The following SCNN1B variants were observed in gnomAD, a reference collection of about 807,000 sequenced individuals.
SCNN1B encodes sodium channel epithelial 1 subunit beta.
SCNN1B carries 46 observed loss-of-function variants against 65.3 expected under a neutral mutation model. The ratio of observed to expected loss-of-function variants is 0.70; its 90% CI spans 0.56 to 0.90. The LOEUF (loss-of-function observed/expected upper bound fraction) is 0.90. Ranked by LOEUF, SCNN1B falls within the 40% of genes least tolerant of loss-of-function variation. The pLI, the probability that SCNN1B is intolerant of heterozygous loss-of-function variation, is 0.00. For synonymous variants in SCNN1B, 349 were observed against 330.6 expected, an observed-to-expected ratio of 1.06 and a Z score of -0.60; for missense variants, 751 against 830.5, an observed-to-expected ratio of 0.90 and a Z score of 1.18.
intron 3 of SCNN1B, among the ~76,000 whole-genome samples, chr16:23,354,401 C>G (rs1179629094): frequency 6.6e-6 from 1 of 152,258 alleles, no homozygotes; most frequent in Non-Finnish European, 1.5e-5. Flanking sequence ...GGGGAAGCTT[C>G]TCTATCCGGC....
At position 23,380,508 on chromosome 16, in the gene SCNN1B, A is replaced by G; in HGVS notation, c.1630A>G (p.Ile544Val). The stretch of plus-strand genomic sequence containing the variant: ...GTGCCTCATCGAGTTTGGGGAGATC[A>G]TCATCGACTTTGTGTGGATCACCAT... ...VLCLIEFGEI[I>V]IDFVWITIIK... is the part of the protein sequence containing the mutation. Residue 544 changes from isoleucine to valine, a missense_variant, in exon 13 of 13, where the codon ATC (isoleucine) becomes GTC (valine). Coordinates refer to ENST00000343070, the MANE Select transcript of SCNN1B (RefSeq NM_000336.3). The surrounding 1 kb of genome is among the most constrained non-coding windows in gnomAD (Gnocchi z 5.4). 6.2e-7 allele frequency: 1 copy of G among 1,614,238 alleles called. No individual in the cohort carries two copies. Among genetic ancestry groups the G allele is most frequent in the Non-Finnish European group, 8.5e-7 (1 of 1,180,044 alleles).
chr16:23,333,149 A>AGAAG (rs57483761), intron 1 of SCNN1B, among the ~76,000 whole-genome samples: 11,323 of 87,780 alleles, frequency 0.13, 1,030 homozygotes, highest in Non-Finnish European at 0.15. Flanking sequence ...AAGGAAGGAA[A>AGAAG]GAAGGAAGGA....
At chr16:23,350,955 C>T (rs961705616) in intron 2 of SCNN1B, among the ~76,000 whole-genome samples, 19 of 151,236 alleles carry the variant, frequency 1.3e-4, no homozygotes, top group Admixed American at 3.3e-4. Context: ...AAAGTCCTGA[C>T]TGGGCACGGG....
chr16:23,356,088 G>A (rs1037064449), intron 4 of SCNN1B, among the ~76,000 whole-genome samples: 3 of 152,092 alleles, frequency 2.0e-5, no homozygotes, highest in African/African-American at 7.2e-5. Flanking sequence ...GCCTTTCTGC[G>A]TGCCCCGTGA....
In SCNN1B at chr16:23,375,742, G is replaced by C. The variant is rs1201266993; in HGVS notation, c.1157G>C (p.Cys386Ser). 6.2e-7 allele frequency: 1 copy of C among 1,612,748 alleles called. No individual in the cohort carries two copies. Residue 386 changes from cysteine to serine, a missense_variant, in exon 8 of 13, where the codon TGT (cysteine) becomes TCT (serine). By Grantham distance (112) the Cys-to-Ser change is moderately radical. Coordinates refer to ENST00000343070, the MANE Select transcript of SCNN1B (RefSeq NM_000336.3). ...TGAACCCCCTACCCTCCCCAGGCCT[G>C]TCTTCGCTCCTGCTTCCAAGACCAC... Reference protein sequence around the residue: ...DYNTTYSIQACLRSCFQDHMI... With the variant: ...DYNTTYSIQASLRSCFQDHMI...
intron 1 of SCNN1B, among the ~76,000 whole-genome samples, chr16:23,327,853 A>T (rs1026784662): frequency 6.6e-6 from 1 of 152,226 alleles, no homozygotes; most frequent in Non-Finnish European, 1.5e-5. Flanking sequence ...TGAAAAGGAC[A>T]TTCACAAAGA....
At chr16:23,377,016 T>G (rs1596888646) in intron 8 of SCNN1B, 149 bp from the exon 9 acceptor site, 1 of 732,782 alleles carries the variant, frequency 1.4e-6, no homozygotes. Context: ...GGGGGCTGGG[T>G]GGGGAGCGGT....
At chr16:23,360,225 T>TAAATAAATAAATAAATAAATAAAC (rs748501690) in intron 4 of SCNN1B, among the ~76,000 whole-genome samples, 2 of 150,022 alleles carry the variant, frequency 1.3e-5, no homozygotes, top group African/African-American at 4.9e-5. Context: ...AATAAATAAA[T>TAAATAAATAAATAAATAAATAAAC]AAACAAATAA....
chr16:23,371,668 C>A, intron 6 of SCNN1B, 108 bp from the exon 7 acceptor site: 2 of 1,087,952 alleles, frequency 1.8e-6, no homozygotes, highest in Non-Finnish European at 2.8e-6. Context: ...CCCCTGGCAC[C>A]TGCAGGGGTC....
At chr16:23,301,446 A>C (rs1225500700), upstream of SCNN1B, among the ~76,000 whole-genome samples, 2 of 151,946 alleles carry the variant, frequency 1.3e-5, no homozygotes, top group Admixed American at 1.3e-4. Context: ...AGGAAAGAGA[A>C]AGAAAGAAAA....
chr16:23,338,443 A>T (rs1042590621), intron 1 of SCNN1B, among the ~76,000 whole-genome samples: 4 of 152,232 alleles, frequency 2.6e-5, no homozygotes, highest in Non-Finnish European at 5.9e-5. Context: ...ACCAGAGTCA[A>T]ATCCACTTTC....
rs140945152 is a variant in SCNN1B, at chr16:23,380,668, G to A, written c.1790G>A (p.Arg597His). ...NFGFQPDTAP[R>H]SPNTGPYPSE... ...GGCTTCCAGCCTGACACGGCCCCCCGCAGCCCCAACACTGGGCCCTACCCC... is the reference window on the plus strand; with the variant it reads ...GGCTTCCAGCCTGACACGGCCCCCCACAGCCCCAACACTGGGCCCTACCCC... The change falls in exon 13 of 13, where the codon CGC becomes CAC. Residue 597 changes from arginine to histidine, a missense_variant. Arg to His is a conservative substitution (Grantham distance 29, BLOSUM62 0). Transcript: ENST00000343070. The surrounding 1 kb of genome is among the most constrained non-coding windows in gnomAD (Gnocchi z 5.4). 7.5e-5 allele frequency: 121 copies of A among 1,612,028 alleles called. No homozygotes were observed. Among genetic ancestry groups the A allele is most frequent in the African/African-American group, 2.7e-4 (20 of 74,846 alleles).
At chr16:23,309,158 G>A (rs1314302766) in intron 1 of SCNN1B, among the ~76,000 whole-genome samples, 1 of 152,102 alleles carries the variant, frequency 6.6e-6, no homozygotes, top group Non-Finnish European at 1.5e-5. Flanking sequence ...TAGAAAAGTT[G>A]CTAAGGGAGC....
chr16:23,350,000 C>T (rs1170121719), intron 2 of SCNN1B, among the ~76,000 whole-genome samples: 1 of 151,564 alleles, frequency 6.6e-6, no homozygotes, highest in Non-Finnish European at 1.5e-5. Flanking sequence ...ATTGCTTGAC[C>T]CCGAGAGGCA....
At chr16:23,335,185 T>C in intron 1 of SCNN1B, among the ~76,000 whole-genome samples, 1 of 152,228 alleles carries the variant, frequency 6.6e-6, no homozygotes, top group Non-Finnish European at 1.5e-5. Context: ...AGATTAAACA[T>C]TGATATGCTG....
intron 1 of SCNN1B, among the ~76,000 whole-genome samples, chr16:23,343,393 A>G (rs1034191322): frequency 2.0e-5 from 3 of 151,658 alleles, no homozygotes; most frequent in African/African-American, 7.3e-5. Flanking sequence ...TGGAGGTTGC[A>G]GTGAGCTGAG....
intron 1 of SCNN1B, among the ~76,000 whole-genome samples, chr16:23,307,165 T>TA (rs1052612604): frequency 3.9e-5 from 6 of 152,028 alleles, no homozygotes; most frequent in African/African-American, 9.7e-5. Context: ...GAACTAGTAC[T>TA]AAAAAAACCC....
chr16:23,349,639 C>T (rs955682851), intron 2 of SCNN1B, among the ~76,000 whole-genome samples: 18 of 152,160 alleles, frequency 1.2e-4, no homozygotes, highest in African/African-American at 4.1e-4. Flanking sequence ...CGATTCCACG[C>T]GTGTTTACGG....
chr16:23,307,295 C>CTTTTTT (rs761118487), intron 1 of SCNN1B, among the ~76,000 whole-genome samples: 1 of 113,306 alleles, frequency 8.8e-6, no homozygotes, highest in African/African-American at 3.7e-5. Context: ...GCCTGTGCTC[C>CTTTTTT]TTTTTTTTTT....
Sources: allele counts gnomAD v4.1 joint callset (sites outside exome capture counted in the v4.1 genomes callset), GRCh38; gene constraint gnomAD v4.1.1; non-coding constraint Gnocchi (gnomAD v3.1); transcripts MANE v1.5; gene names NCBI Gene and HGNC (gene_info 2026-07-23, HGNC 2026-07-21).